POMT2: variants seen among roughly 807,000 people sequenced by gnomAD.
POMT2 encodes the protein protein O-mannosyltransferase 2.
Under a neutral mutation model 100.0 loss-of-function variants are expected in POMT2, and 75 were observed. The ratio of observed to expected loss-of-function variants is 0.75; its 90% CI spans 0.62 to 0.91. The LOEUF is 0.91. POMT2 is among the 40% of genes least tolerant of loss of function. POMT2 has a pLI of 0.00. For synonymous variants in POMT2, 378 were observed against 374.1 expected, an observed-to-expected ratio of 1.01 and a Z score of -0.12; for missense variants, 940 against 955.1, an observed-to-expected ratio of 0.98 and a Z score of 0.21.
At position 77,296,249 on chromosome 14, in the gene POMT2, G is replaced by A. The variant is rs1446385048; in HGVS notation, c.1031C>T (p.Thr344Ile). Residue 344 changes from threonine (T) to isoleucine (I), a missense_variant, in exon 9 of 21, where the codon ACT (threonine) becomes ATT (isoleucine). By Grantham distance (89) the Thr-to-Ile change is moderately conservative. Coordinates refer to ENST00000261534, the MANE Select transcript of POMT2 (RefSeq NM_013382.7). ...GATGGCCATCCGGAGGTTCTTCACA[G>A]TGATCACAGAGCCGTAGGCCAGGTC... Reference protein sequence around the residue: ...PEHLAYGSVITVKNLRMAIGY... With the variant: ...PEHLAYGSVIIVKNLRMAIGY... 6.2e-7 allele frequency: 1 copy of A among 1,606,578 alleles called. No homozygotes were observed. Among genetic ancestry groups the A allele is most frequent in the Non-Finnish European group, 8.5e-7 (1 of 1,177,062 alleles).
intron 15 of POMT2, among the ~76,000 whole-genome samples, chr14:77,281,253 T>C (rs890669994): frequency 6.6e-6 from 1 of 152,082 alleles, no homozygotes; most frequent in Admixed American, 6.6e-5. Context: ...TTCTCCACCT[T>C]TTTTTTCCAC....
rs1444166086 is a variant in POMT2, at chr14:77,311,910, C to T, written c.333+39G>A. On this transcript the variant is annotated intron_variant, in intron 2 of 20. Transcript: ENST00000261534. ...GTGGCTCCAGCCCTTAGGAACAATC[C>T]TCTGGGACCAGAGAGCTGCTATTCA... is the stretch of plus-strand genomic sequence containing the variant. 6.8e-6 allele frequency: 11 copies of T among 1,611,900 alleles called. No homozygotes were observed. In the Admixed American group the frequency reaches 1.7e-4, roughly 25 times the overall value.
intron 1 of POMT2, among the ~76,000 whole-genome samples, chr14:77,313,014 ACACAATGCAAAGTC>A (rs1383555697): frequency 6.6e-6 from 1 of 152,242 alleles, no homozygotes; most frequent in Non-Finnish European, 1.5e-5. Flanking sequence ...AGGCTTTCAA[ACACAATGCAAAGTC>A]CTCTTTTATA....
intron 2 of POMT2, among the ~76,000 whole-genome samples, chr14:77,308,097 T>C (rs1313083472): frequency 6.7e-6 from 1 of 149,694 alleles, no homozygotes; most frequent in African/African-American, 2.5e-5. Flanking sequence ...CCTGACCTCA[T>C]GATCCACCCG....
chr14:77,309,654 C>T (rs1490669371), intron 2 of POMT2, among the ~76,000 whole-genome samples: 1 of 152,034 alleles, frequency 6.6e-6, no homozygotes, highest in African/African-American at 2.4e-5. Flanking sequence ...GTGAGGAAGG[C>T]AAGGCTTTGA....
In POMT2 at chr14:77,278,750, G is replaced by A. The variant is rs200079313; in HGVS notation, c.2011C>T (p.Leu671Phe). Residue 671 changes from leucine (L) to phenylalanine (F), a missense_variant, in exon 19 of 21, where the codon CTC becomes TTC. Coordinates refer to ENST00000261534, the MANE Select transcript of POMT2 (RefSeq NM_013382.7). ...TGACCTGTCAACATGCTTGAGAAGA[G>A]CATGGCTGGGAAGTAGTGGTGGAAG... ...LYFHHYFPAMLFSSMLTGILW... is the reference protein window; with the variant it reads ...LYFHHYFPAMFFSSMLTGILW... 12 of 1,613,850 alleles carry A rather than the reference G, an allele frequency of 7.4e-6. No homozygotes were observed. The highest frequency in any genetic ancestry group is 1.6e-4 in the Middle Eastern group (1 of 6,082).
At chr14:77,292,491 G>C (rs1045570321) in intron 9 of POMT2, among the ~76,000 whole-genome samples, 11 of 152,212 alleles carry the variant, frequency 7.2e-5, no homozygotes, top group African/African-American at 2.7e-4. Context: ...GCGTTGGGGA[G>C]ACAGAATTCA....
At chr14:77,288,404 C>T (rs979431934) in intron 11 of POMT2, among the ~76,000 whole-genome samples, 1 of 152,142 alleles carries the variant, frequency 6.6e-6, no homozygotes, top group African/African-American at 2.4e-5. Flanking sequence ...GGTGTGATGG[C>T]TCATGCCTGT....
intron 1 of POMT2, among the ~76,000 whole-genome samples, chr14:77,313,355 G>T (rs563432171): frequency 2.0e-5 from 3 of 152,226 alleles, no homozygotes. Flanking sequence ...TGGTGAGGTC[G>T]AAGACAGAAA....
intron 5 of POMT2, 135 bp downstream of exon 5, chr14:77,302,700 C>T (rs1396208241): frequency 1.4e-6 from 1 of 719,114 alleles, no homozygotes; most frequent in Non-Finnish European, 2.4e-6. Flanking sequence ...GTTAAAAAAA[C>T]AAACAAAAAG....
chr14:77,306,368 T>G lies in POMT2; in HGVS notation c.407A>C (p.Tyr136Ser), dbSNP rs1891230020. The part of the protein sequence containing the change: ...TFLFQKPGDK[Y>S]EHHSYMGMRG... Reference sequence around the variant, plus strand: ...CATTCCCATGTAGCTGTGATGCTCATATTTATCCCCAGGCTTCTGGAACAA... The same window carrying G: ...CATTCCCATGTAGCTGTGATGCTCAGATTTATCCCCAGGCTTCTGGAACAA... Residue 136 changes from tyrosine (Y) to serine (S), a missense_variant, in exon 3 of 21, where the codon TAT (tyrosine) becomes TCT (serine). Transcript: ENST00000261534. The G allele has an allele frequency of 6.2e-7, 1 of 1,613,044 alleles. No individual in the cohort carries two copies. Among genetic ancestry groups the G allele is most frequent in the African/African-American group, 1.3e-5 (1 of 74,912 alleles).
chr14:77,301,783 G>C (rs1860327103), intron 5 of POMT2, among the ~76,000 whole-genome samples: 1 of 152,202 alleles, frequency 6.6e-6, no homozygotes. Flanking sequence ...ATACAGAGAG[G>C]TGGAGTAATA....
chr14:77,302,898 A>T lies in POMT2; in HGVS notation c.593T>A (p.Ile198Asn), dbSNP rs267606972. Reference sequence around the variant, plus strand: ...GGCAGCCATGATGAAGAACATCAGGATGGGGTCAAGGAGGATGTACTGGGA... The same window carrying T: ...GGCAGCCATGATGAAGAACATCAGGTTGGGGTCAAGGAGGATGTACTGGGA... ...TLSQYILLDP[I>N]LMFFIMAAML... Residue 198 changes from isoleucine to asparagine, a missense_variant, in exon 5 of 21, where the codon ATC becomes AAC. Transcript: ENST00000261534. The T allele has an allele frequency of 8.7e-6, 14 of 1,613,904 alleles. No homozygotes were observed. The highest frequency in any genetic ancestry group is 1.2e-5 in the Non-Finnish European group (14 of 1,179,896).
At chr14:77,315,400 CCT>C (rs1891588287) in intron 1 of POMT2, among the ~76,000 whole-genome samples, 1 of 152,200 alleles carries the variant, frequency 6.6e-6, no homozygotes, top group African/African-American at 2.4e-5. Flanking sequence ...CACCATAGCC[CCT>C]GATGCAGGCC....
chr14:77,306,433 T>C lies in POMT2; in HGVS notation c.342A>G (p.Ile114Met). The C allele has an allele frequency of 1.9e-6, 3 of 1,612,434 alleles. No individual in the cohort carries two copies. Among genetic ancestry groups the C allele is most frequent in the Non-Finnish European group, 2.5e-6 (3 of 1,178,638 alleles). ...ATCCACTCAGGTAGCCAGCAAGACCTATCAGCATCTGAGGAGAGAAGAACA... is the reference window on the plus strand; with the variant it reads ...ATCCACTCAGGTAGCCAGCAAGACCCATCAGCATCTGAGGAGAGAAGAACA... ...DVHPPLGKML[I>M]GLAGYLSGYD... The change falls in exon 3 of 21, where the codon ATA becomes ATG. Residue 114 changes from isoleucine (I) to methionine (M), a missense_variant. Ile to Met is a conservative substitution (Grantham distance 10). Coordinates refer to ENST00000261534, the MANE Select transcript of POMT2 (RefSeq NM_013382.7).
chr14:77,279,091 A>G (rs1194960794), intron 18 of POMT2: 2 of 639,630 alleles, frequency 3.1e-6, no homozygotes, highest in East Asian at 2.9e-5. Flanking sequence ...TGGCAGGTGC[A>G]CCAAGCACCA....
intron 1 of POMT2, among the ~76,000 whole-genome samples, chr14:77,315,626 G>A (rs80171275): frequency 0.012 from 1,872 of 152,342 alleles, 35 homozygotes; most frequent in African/African-American, 0.042. Context: ...AAGGGCTGCT[G>A]TGTGTAGACA....
At chr14:77,315,241 G>T (rs1363019365) in intron 1 of POMT2, among the ~76,000 whole-genome samples, 1 of 152,166 alleles carries the variant, frequency 6.6e-6, no homozygotes, top group Non-Finnish European at 1.5e-5. Flanking sequence ...AAGGGAAAAG[G>T]GCCCCTAACC....
Position 77,296,052 on chromosome 14 carries a change from G to A in POMT2, c.1116+112C>T. On this transcript the variant is annotated intron_variant, in intron 9 of 20. Coordinates refer to ENST00000261534, the MANE Select transcript of POMT2 (RefSeq NM_013382.7). ...AGAAAACAGAAGGGTGCAGGGCTAG[G>A]AAGAATGTTTCAAGCAGGGCGAACA... The A allele has an allele frequency of 5.6e-6, 5 of 887,226 alleles. No homozygotes were observed. In the South Asian group the frequency reaches 7.1e-5, roughly 13 times the overall value. 55.0% of individuals were successfully genotyped at this position (887,226 alleles called of 1,614,324 possible).
Sources: gnomAD v4.1 joint callset for allele counts (sites outside exome capture counted in the v4.1 genomes callset) on GRCh38, gnomAD v4.1.1 for gene constraint, MANE v1.5 for transcripts, NCBI Gene and HGNC (gene_info 2026-07-23, HGNC 2026-07-21) for gene names.